The following PTPRT variants were observed in gnomAD, a reference collection of about 807,000 sequenced individuals.
The protein encoded by PTPRT is protein tyrosine phosphatase receptor type T.
A neutral mutation model predicts 176.8 loss-of-function variants in PTPRT; 56 were observed. The ratio of observed to expected loss-of-function variants is 0.32; its 90% CI spans 0.26 to 0.40. The LOEUF is 0.40. Among genes scored for constraint, PTPRT ranks in the 10% least tolerant of loss-of-function variants. The pLI is 1.00. For missense variants in PTPRT, 1,540 were observed against 1,908.2 expected (o/e 0.81, Z 3.60); for synonymous variants, 783 against 739.0 (o/e 1.06, Z -0.96).
chr20:42,385,154 C>T (rs752573296), intron 9 of PTPRT, among the ~76,000 whole-genome samples: 4 of 152,156 alleles, frequency 2.6e-5, no homozygotes, highest in African/African-American at 4.8e-5. Context: ...CAAAAATCAT[C>T]GCCCAGACCA....
intron 7 of PTPRT, among the ~76,000 whole-genome samples, chr20:42,494,557 G>A (rs1245692206): frequency 1.3e-5 from 2 of 151,914 alleles, no homozygotes; most frequent in Non-Finnish European, 2.9e-5. Context: ...AAAAACTCCC[G>A]CCCCTCCCCC....
intron 8 of PTPRT, among the ~76,000 whole-genome samples, chr20:42,471,898 C>T (rs148448531): frequency 0.015 from 2,294 of 152,172 alleles, 26 homozygotes; most frequent in Middle Eastern, 0.075. Flanking sequence ...ATAGGCAATC[C>T]ACCTGCCTCA....
intron 1 of PTPRT, among the ~76,000 whole-genome samples, chr20:42,972,945 CT>C (rs1165021196): frequency 2.0e-5 from 3 of 151,942 alleles, no homozygotes; most frequent in African/African-American, 7.3e-5. Context: ...TAATTTTATT[CT>C]ATTTTAATTA....
intron 7 of PTPRT, among the ~76,000 whole-genome samples, chr20:42,475,235 G>A (rs1285115079): frequency 1.3e-5 from 2 of 152,162 alleles, no homozygotes; most frequent in Non-Finnish European, 2.9e-5. Context: ...GTCCAGAAAT[G>A]TGCAGGAATT....
chr20:42,802,347 C>T (rs942183767), intron 2 of PTPRT, among the ~76,000 whole-genome samples: 1 of 152,228 alleles, frequency 6.6e-6, no homozygotes, highest in Admixed American at 6.5e-5. Flanking sequence ...CTGGGCCACG[C>T]CCTGCCTACC....
At chr20:42,136,421 A>G (rs1033296594) in intron 18 of PTPRT, among the ~76,000 whole-genome samples, 1 of 152,118 alleles carries the variant, frequency 6.6e-6, no homozygotes, top group Non-Finnish European at 1.5e-5. Context: ...AAAGGTCTGC[A>G]CATTCAATCT....
At chr20:42,321,749 T>C (rs973767339) in intron 11 of PTPRT, among the ~76,000 whole-genome samples, 14 of 152,154 alleles carry the variant, frequency 9.2e-5, no homozygotes, top group African/African-American at 3.1e-4. Context: ...TCTAATACCA[T>C]ACTAGACACA....
At chr20:42,608,469 G>A (rs955481425) in intron 7 of PTPRT, among the ~76,000 whole-genome samples, 1 of 152,168 alleles carries the variant, frequency 6.6e-6, no homozygotes, top group Non-Finnish European at 1.5e-5. Context: ...CAGGAGGAAG[G>A]AGACTCTGTC....
intron 6 of PTPRT, among the ~76,000 whole-genome samples, chr20:42,738,088 C>A (rs939682848): frequency 6.6e-6 from 1 of 152,104 alleles, no homozygotes; most frequent in African/African-American, 2.4e-5. Flanking sequence ...GGTGCATGCC[C>A]CGGGTCCATG....
intron 9 of PTPRT, among the ~76,000 whole-genome samples, chr20:42,422,036 C>T (rs942970998): frequency 6.6e-6 from 1 of 152,092 alleles, no homozygotes; most frequent in Non-Finnish European, 1.5e-5. Flanking sequence ...TTCCTTACAC[C>T]ATATACAAAA....
intron 15 of PTPRT, among the ~76,000 whole-genome samples, chr20:42,206,990 C>T (rs988134770): frequency 1.3e-5 from 2 of 152,158 alleles, no homozygotes; most frequent in Admixed American, 1.3e-4. Flanking sequence ...GACCCCTGAC[C>T]CCCGAGCAGC....
intron 7 of PTPRT, among the ~76,000 whole-genome samples, chr20:42,544,888 T>C (rs145456780): frequency 0.011 from 1,620 of 152,302 alleles, 20 homozygotes; most frequent in Middle Eastern, 0.02. Flanking sequence ...TTCTGAGCTC[T>C]AGTGATCCTC....
At chr20:42,991,891 A>C (rs1983932553) in intron 1 of PTPRT, among the ~76,000 whole-genome samples, 1 of 152,198 alleles carries the variant, frequency 6.6e-6, no homozygotes, top group East Asian at 1.9e-4. Flanking sequence ...AAACAATCCC[A>C]GCCCATAAAA....
chr20:43,161,260 C>T (rs142423498), intron 1 of PTPRT, among the ~76,000 whole-genome samples: 2 of 152,236 alleles, frequency 1.3e-5, no homozygotes, highest in East Asian at 1.9e-4. Flanking sequence ...TTGGTTTGAG[C>T]ACACATTATA....
intron 2 of PTPRT, among the ~76,000 whole-genome samples, chr20:42,880,110 GC>G (rs533800365): frequency 1.8e-3 from 273 of 152,256 alleles, no homozygotes; most frequent in Admixed American, 6.3e-3. Flanking sequence ...GGAGGGGCAG[GC>G]CCGGGGGGGT....
chr20:42,613,971 A>T, intron 7 of PTPRT, among the ~76,000 whole-genome samples: 1 of 124,346 alleles, frequency 8.0e-6, no homozygotes, highest in Non-Finnish European at 1.6e-5. Flanking sequence ...CTGCTATAAC[A>T]AAGTACCATA....
At chr20:43,173,033 C>T (rs569719502) in intron 1 of PTPRT, among the ~76,000 whole-genome samples, 10 of 152,104 alleles carry the variant, frequency 6.6e-5, no homozygotes, top group South Asian at 4.2e-4. Context: ...CCACCAGACA[C>T]GGCTAATTTT....
In PTPRT at chr20:42,296,164, T is replaced by C. The variant is rs140133360; in HGVS notation, c.2140-13639A>G. Among the ~76,000 whole-genome samples the C allele has an allele frequency of 4.8e-3, 734 of 152,292 alleles. 6 individuals carry two copies. Among genetic ancestry groups the C allele is most frequent in the Middle Eastern group, 0.017 (5 of 294 alleles). On this transcript the variant is annotated intron_variant, in intron 12 of 30. Transcript: ENST00000373187. ...AAAAGATGGGATTAAGAGTGCTAAA[T>C]AGGCCAGGTGCCCTGGCTTACGCCT...
chr20:42,967,016 C>T (rs1342317620), intron 1 of PTPRT, among the ~76,000 whole-genome samples: 2 of 152,206 alleles, frequency 1.3e-5, no homozygotes, highest in Non-Finnish European at 1.5e-5. Flanking sequence ...GTATTATCTA[C>T]TCATCAGACT....
Sources: gnomAD v4.1 joint callset for allele counts (sites outside exome capture counted in the v4.1 genomes callset) on GRCh38, gnomAD v4.1.1 for gene constraint, MANE v1.5 for transcripts, NCBI Gene and HGNC (gene_info 2026-07-23, HGNC 2026-07-21) for gene names.